The following RANBP17 variants were observed in gnomAD, a reference collection of about 807,000 sequenced individuals.
The protein encoded by RANBP17 is ran-binding protein 17.
Under a neutral mutation model 141.2 loss-of-function variants are expected in RANBP17, and 158 were observed. That is an observed-to-expected ratio of 1.12 (90% CI 0.98 to 1.28). The LOEUF is 1.28. Among genes scored for constraint, RANBP17 ranks in the 50% most tolerant of loss-of-function variants. The pLI is 0.00. For synonymous variants in RANBP17, 430 were observed against 450.0 expected, an observed-to-expected ratio of 0.96 and a Z score of 0.56; for missense variants, 1,438 against 1,290.7, an observed-to-expected ratio of 1.11 and a Z score of -1.75.
At chr5:171,236,136 G>A (rs1391108305) in intron 22 of RANBP17, among the ~76,000 whole-genome samples, 1 of 152,160 alleles carries the variant, frequency 6.6e-6, no homozygotes, top group Non-Finnish European at 1.5e-5. Flanking sequence ...TGAGTGGCCT[G>A]AAGTAAAGGA....
intron 9 of RANBP17, among the ~76,000 whole-genome samples, chr5:170,917,884 T>C (rs764476921): frequency 2.0e-5 from 3 of 152,164 alleles, no homozygotes; most frequent in Non-Finnish European, 4.4e-5. Context: ...TTTAAAGATG[T>C]ATGATTACAA....
At chr5:171,273,626 A>T (rs941850768) in intron 25 of RANBP17, among the ~76,000 whole-genome samples, 16 of 152,230 alleles carry the variant, frequency 1.1e-4, no homozygotes, top group African/African-American at 3.4e-4. Context: ...ATTGAAAATT[A>T]AAAAACAAAA....
intron 14 of RANBP17, among the ~76,000 whole-genome samples, chr5:171,072,147 G>A (rs914902746): frequency 6.6e-6 from 1 of 152,042 alleles, no homozygotes; most frequent in South Asian, 2.1e-4. Context: ...TCAGAGATAC[G>A]ATGTGAAAAA....
chr5:171,088,332 G>T (rs1014063722), intron 14 of RANBP17, among the ~76,000 whole-genome samples: 2 of 152,080 alleles, frequency 1.3e-5, no homozygotes, highest in African/African-American at 4.8e-5. Flanking sequence ...AGAGAGATTC[G>T]CTGTTGGTTT....
chr5:171,075,861 G>A (rs1298262415), intron 14 of RANBP17, among the ~76,000 whole-genome samples: 1 of 152,108 alleles, frequency 6.6e-6, no homozygotes, highest in East Asian at 1.9e-4. Context: ...GCTGAGGCAT[G>A]AGAATCGCTT....
At chr5:171,293,700 G>T (rs1381057427) in intron 25 of RANBP17, among the ~76,000 whole-genome samples, 183 bp from the exon 26 acceptor site, 1 of 152,120 alleles carries the variant, frequency 6.6e-6, no homozygotes, top group African/African-American at 2.4e-5. Flanking sequence ...GCTAGCTGGG[G>T]GTCTTTGCCA....
intron 4 of RANBP17, among the ~76,000 whole-genome samples, chr5:170,895,316 G>A (rs916928432): frequency 1.3e-5 from 2 of 152,122 alleles, no homozygotes; most frequent in African/African-American, 4.8e-5. Context: ...AATGTAATTG[G>A]ATGCTGCATT....
At chr5:170,886,945 G>A (rs940359876) in intron 3 of RANBP17, among the ~76,000 whole-genome samples, 1 of 151,924 alleles carries the variant, frequency 6.6e-6, no homozygotes, top group African/African-American at 2.4e-5. Context: ...TTATAGGTGT[G>A]AGCCACCATG....
intron 14 of RANBP17, among the ~76,000 whole-genome samples, chr5:171,155,110 T>TATAC (rs1554106879): frequency 3.7e-5 from 5 of 135,346 alleles, no homozygotes; most frequent in African/African-American, 1.4e-4. Context: ...TATATATATA[T>TATAC]ATATATATAT....
At chr5:171,244,426 T>G (rs1181026930) in intron 24 of RANBP17, among the ~76,000 whole-genome samples, 2 of 152,116 alleles carry the variant, frequency 1.3e-5, no homozygotes, top group African/African-American at 4.8e-5. Flanking sequence ...CATTATATTT[T>G]TATTCTCTAG....
intron 5 of RANBP17, among the ~76,000 whole-genome samples, chr5:170,901,133 T>C (rs1770600992): frequency 6.6e-6 from 1 of 152,208 alleles, no homozygotes; most frequent in Non-Finnish European, 1.5e-5. Flanking sequence ...ACTATTATTG[T>C]GTGGGAGTCT....
chr5:171,265,953 T>A, intron 25 of RANBP17, 106 bp downstream of exon 25: 1 of 860,984 alleles, frequency 1.2e-6, no homozygotes, highest in Non-Finnish European at 1.8e-6. Flanking sequence ...CTTTTTATAC[T>A]GGTAAAAAAT....
chr5:170,954,185 A>G (rs974694652), intron 13 of RANBP17, among the ~76,000 whole-genome samples: 2 of 152,178 alleles, frequency 1.3e-5, no homozygotes, highest in Non-Finnish European at 2.9e-5. Flanking sequence ...TTGATTTTCC[A>G]TATATTTTAA....
chr5:171,058,948 C>A (rs1005941539), intron 14 of RANBP17, among the ~76,000 whole-genome samples: 2 of 151,374 alleles, frequency 1.3e-5, no homozygotes, highest in African/African-American at 2.4e-5. Flanking sequence ...CTTTTGGCTG[C>A]ATAAATGTCT....
intron 14 of RANBP17, among the ~76,000 whole-genome samples, chr5:171,155,119 A>G (rs1164584933): frequency 6.7e-5 from 9 of 133,530 alleles, no homozygotes; most frequent in African/African-American, 2.8e-4. Context: ...ATATATATAT[A>G]TGTACACACA....
chr5:171,111,142 G>A (rs1262735655), intron 14 of RANBP17, among the ~76,000 whole-genome samples: 1 of 152,080 alleles, frequency 6.6e-6, no homozygotes, highest in Non-Finnish European at 1.5e-5. Context: ...AAAAAGAAAG[G>A]TCAGAGTATT....
chr5:171,054,435 A>G (rs910805166), intron 14 of RANBP17, among the ~76,000 whole-genome samples: 2 of 152,158 alleles, frequency 1.3e-5, no homozygotes, highest in Non-Finnish European at 2.9e-5. Flanking sequence ...TTTAGACCAT[A>G]TAGGGTATCT....
chr5:170,961,154 A>T lies in RANBP17; in HGVS notation c.1575-7088A>T, dbSNP rs554606695. 2.0e-5 allele frequency among the ~76,000 whole-genome samples: 3 copies of T among 152,318 alleles called. No homozygotes were observed. The South Asian group carries it at 6.2e-4, about 32-fold the overall frequency. On this transcript the variant is annotated intron_variant, in intron 13 of 27. Transcript: ENST00000523189. ...AATAGCATTTGTTATAGGACTTGTC[A>T]TTCTTTATTCCAGCTGCTTCTTTTA...
At chr5:171,075,152 A>G (rs911528132) in intron 14 of RANBP17, among the ~76,000 whole-genome samples, 6 of 152,222 alleles carry the variant, frequency 3.9e-5, no homozygotes, top group Admixed American at 1.3e-4. Flanking sequence ...TAACTTGCCA[A>G]AAATGAAATT....
Sources: allele counts gnomAD v4.1 joint callset (sites outside exome capture counted in the v4.1 genomes callset), GRCh38; gene constraint gnomAD v4.1.1; transcripts MANE v1.5; gene names NCBI Gene and HGNC (gene_info 2026-07-23, HGNC 2026-07-21).